The following PIF1 variants were observed in gnomAD, a reference collection of about 807,000 sequenced individuals.
The protein encoded by PIF1 is ATP-dependent DNA helicase PIF1.
Under a neutral mutation model 62.3 loss-of-function variants are expected in PIF1, and 67 were observed. That is an observed-to-expected ratio of 1.08 (90% confidence interval 0.88 to 1.32). The LOEUF (loss-of-function observed/expected upper bound fraction) is 1.32, where lower values mean the gene tolerates loss of function less well. Among genes scored for constraint, PIF1 ranks in the 40% most tolerant of loss-of-function variants. The probability of loss-of-function intolerance (pLI) is 0.00; values close to 1 mark genes in which losing one functional copy is unlikely to be tolerated. For missense variants in PIF1, 886 were observed against 866.1 expected (o/e 1.02, Z -0.29); for synonymous variants, 364 against 379.5 (o/e 0.96, Z 0.47).
chr15:64,821,124 G>C (rs919091752), intron 6 of PIF1, 36 bp from the exon 7 acceptor site: 1 of 1,612,934 alleles, frequency 6.2e-7, no homozygotes, highest in Admixed American at 1.7e-5. Context: ...TCAAGGAGCA[G>C]AGCAGACCCC....
At chr15:64,826,661 T>TATATATAC (rs2084373463), upstream of PIF1, among the ~76,000 whole-genome samples, 1 of 26,588 alleles carries the variant, frequency 3.8e-5, no homozygotes, top group Non-Finnish European at 9.4e-5. Flanking sequence ...TATATATATA[T>TATATATAC]ATATACACAC....
Position 64,819,929 on chromosome 15 carries a change from T to C in PIF1, c.1251A>G (p.Arg417=), listed in dbSNP as rs1402733024. The change falls in exon 8 of 13, where the codon CGA becomes CGG. Residue 417 remains arginine (R), a synonymous_variant. Coordinates refer to ENST00000559239, the MANE Select transcript of PIF1 (RefSeq NM_001286496.2). The part of the protein sequence containing the change: ...LQATASHKVG[R]DGIVATRLCT... The stretch of plus-strand genomic sequence containing the variant: ...AGAGCCTCGTGGCCACAATCCCATC[T>C]CGCCCCACCTTGTGGGAAGCTGTGG... The C allele has an allele frequency of 6.2e-7, 1 of 1,614,176 alleles. No homozygotes were observed. Among genetic ancestry groups the C allele is most frequent in the Non-Finnish European group, 8.5e-7 (1 of 1,180,032 alleles).
At chr15:64,826,046 C>T (rs1434795208), upstream of PIF1, among the ~76,000 whole-genome samples, 2 of 152,192 alleles carry the variant, frequency 1.3e-5, no homozygotes, top group East Asian at 3.9e-4. Context: ...CTCTCACACC[C>T]CTGTTTACAC....
Position 64,824,197 on chromosome 15 carries a change from G to C in PIF1, c.139C>G (p.Arg47Gly). The C allele has an allele frequency of 7.4e-7, 1 of 1,351,802 alleles. No individual in the cohort carries two copies. The highest frequency in any genetic ancestry group is 9.5e-7 in the Non-Finnish European group (1 of 1,047,152). The allele number at this position is 1,351,802 out of a possible 1,614,324, so 83.7% of individuals were successfully genotyped here. The change falls in exon 2 of 13, where the codon CGC becomes GGC. Residue 47 changes from arginine to glycine, a missense_variant. By Grantham distance (125) the Arg-to-Gly change is moderately radical. Coordinates refer to ENST00000559239, the MANE Select transcript of PIF1 (RefSeq NM_001286496.2). ...AGCATCAACTCGCGGCGCTCGTTGC[G>C]ACCCAGGCTCAGCTCCGCGGTGCGC... The part of the protein sequence containing the change: ...ALRTAELSLG[R>G]NERRELMLRL...
chr15:64,824,406 G>C, intron 1 of PIF1, 52 bp from the exon 2 acceptor site: 1 of 1,176,026 alleles, frequency 8.5e-7, no homozygotes, highest in Non-Finnish European at 1.1e-6. Context: ...GACGTAATGG[G>C]TGCTATAGGG....
At chr15:64,819,825 C>A in intron 8 of PIF1, 22 bp downstream of exon 8, 1 of 1,610,892 alleles carries the variant, frequency 6.2e-7, no homozygotes, top group Non-Finnish European at 8.5e-7. Context: ...CTGGTCTTGC[C>A]CAGCCCAGGC....
At chr15:64,821,720 C>T (rs558535884) in intron 4 of PIF1, 200 bp from the exon 5 acceptor site, 9 of 559,074 alleles carry the variant, frequency 1.6e-5, no homozygotes, top group Admixed American at 7.3e-5. Context: ...TACAGGCACA[C>T]ACCACCATGC....
chr15:64,817,343 G>A (rs747556780), intron 11 of PIF1, among the ~76,000 whole-genome samples: 2 of 151,994 alleles, frequency 1.3e-5, no homozygotes, highest in Non-Finnish European at 2.9e-5. Flanking sequence ...ACCTGAGTTC[G>A]AGACCAGCCT....
intron 1 of PIF1, among the ~76,000 whole-genome samples, chr15:64,825,164 A>G (rs1432512221): frequency 6.6e-6 from 1 of 151,820 alleles, no homozygotes; most frequent in Non-Finnish European, 1.5e-5. Context: ...ACCCAGGGCG[A>G]GCACATGAAT....
At position 64,821,297 on chromosome 15, in the gene PIF1, G is replaced by A; in HGVS notation, c.972-16C>T. The A allele has an allele frequency of 6.2e-7, 1 of 1,614,132 alleles. No individual in the cohort carries two copies. Among genetic ancestry groups the A allele is most frequent in the African/African-American group, 1.3e-5 (1 of 75,046 alleles). On this transcript the variant is annotated splice_polypyrimidine_tract_variant and intron_variant, in intron 5 of 12. Coordinates refer to ENST00000559239, the MANE Select transcript of PIF1 (RefSeq NM_001286496.2). ...CCGGACAGCTCTGGAGAGGAGCGTG[G>A]GGTGCTTTAGGGGCACACAGAAGAC... is the stretch of plus-strand genomic sequence containing the variant.
At chr15:64,823,540 C>T (rs1367162747) in intron 2 of PIF1, 2 of 363,918 alleles carry the variant, frequency 5.5e-6, no homozygotes, top group Non-Finnish European at 9.8e-6. Context: ...CCACCATGCC[C>T]GGCCTCTGCT....
chr15:64,821,175 A>G lies in PIF1; in HGVS notation c.1078T>C (p.Cys360Arg), dbSNP rs781308606. Residue 360 changes from cysteine (C) to arginine (R), a missense_variant, in exon 6 of 13, where the codon TGC becomes CGC. By Grantham distance (180) the Cys-to-Arg change is radical. Coordinates refer to ENST00000559239, the MANE Select transcript of PIF1 (RefSeq NM_001286496.2). ...TAGGAGGTGAGTAATACCTGGAAGCAGAACCGTGGGGGCTGGGAGCCCTTG... is the reference window on the plus strand; with the variant it reads ...TAGGAGGTGAGTAATACCTGGAAGCGGAACCGTGGGGGCTGGGAGCCCTTG... ...VTKGSQPPRF[C>R]FQSKSWKRCV... The G allele has an allele frequency of 1.9e-6, 3 of 1,614,080 alleles. No homozygotes were observed. Among genetic ancestry groups the G allele is most frequent in the African/African-American group, 2.7e-5 (2 of 74,942 alleles).
At chr15:64,820,356 A>G (rs1479831799) in intron 7 of PIF1, among the ~76,000 whole-genome samples, 2 of 152,132 alleles carry the variant, frequency 1.3e-5, no homozygotes, top group Non-Finnish European at 2.9e-5. Context: ...TCTTCTATCC[A>G]CTTGCCTCCT....
chr15:64,819,730 G>T, intron 8 of PIF1, 117 bp downstream of exon 8: 1 of 1,361,402 alleles, frequency 7.3e-7, no homozygotes, highest in Non-Finnish European at 1.0e-6. Context: ...CAAATATGAG[G>T]GCCTTTATGG....
Position 64,815,837 on chromosome 15 carries a change from G to A in PIF1, c.*461C>T. On this transcript the variant is annotated 3_prime_UTR_variant, in exon 13 of 13. Transcript: ENST00000559239. ...GGCCTAGCTGTAGAGACACACCTAAGTTCCGTTCTCTGTTTGGAGGCTGCA... is the reference window on the plus strand; with the variant it reads ...GGCCTAGCTGTAGAGACACACCTAAATTCCGTTCTCTGTTTGGAGGCTGCA... 6.4e-7 allele frequency: 1 copy of A among 1,550,622 alleles called. No individual in the cohort carries two copies. Among genetic ancestry groups the A allele is most frequent in the South Asian group, 1.2e-5 (1 of 84,068 alleles).
chr15:64,822,708 T>C, intron 2 of PIF1, 98 bp from the exon 3 acceptor site: 1 of 1,518,502 alleles, frequency 6.6e-7, no homozygotes, highest in Non-Finnish European at 8.9e-7. Flanking sequence ...GGTAACCCTT[T>C]GTCCTCTACT....
upstream of PIF1, among the ~76,000 whole-genome samples, chr15:64,826,941 G>A (rs114882353): frequency 3.3e-3 from 505 of 151,748 alleles, 3 homozygotes; most frequent in African/African-American, 0.012. Context: ...AGGTCACATA[G>A]CTGATATGGA....
Position 64,822,347 on chromosome 15 carries a change from G to T in PIF1, c.736C>A (p.Pro246Thr). 6.2e-7 allele frequency: 1 copy of T among 1,614,068 alleles called. No homozygotes were observed. Among genetic ancestry groups the T allele is most frequent in the Non-Finnish European group, 8.5e-7 (1 of 1,179,976 alleles). Residue 246 changes from proline (P) to threonine (T), a missense_variant, in exon 4 of 13, where the codon CCC (proline) becomes ACC (threonine). Transcript: ENST00000559239. ...YLLKRILGSL[P>T]PTGTVATAST... ...GCAGTGGCCACAGTGCCTGTGGGGG[G>T]CAGTGAGCCCAGGATTCGCTTTAGC...
intron 2 of PIF1, 84 bp downstream of exon 2, chr15:64,823,694 C>T: frequency 9.4e-7 from 1 of 1,068,352 alleles, no homozygotes; most frequent in Middle Eastern, 2.2e-4. Context: ...ACCGGCTTCC[C>T]CTCAAACTTG....
Sources: allele counts gnomAD v4.1 joint callset (sites outside exome capture counted in the v4.1 genomes callset), GRCh38; gene constraint gnomAD v4.1.1; transcripts MANE v1.5; gene names NCBI Gene and HGNC (gene_info 2026-07-23, HGNC 2026-07-21).